RUSC1: variants seen among roughly 807,000 people sequenced by gnomAD.
The protein encoded by RUSC1 is AP-4 complex accessory subunit RUSC1.
Under a neutral mutation model 72.1 loss-of-function variants are expected in RUSC1, and 40 were observed. The observed-to-expected ratio is 0.55, with a 90% confidence interval of 0.43 to 0.72. The LOEUF (loss-of-function observed/expected upper bound fraction) is 0.72, where lower values mean the gene tolerates loss of function less well. RUSC1 is among the 30% of genes least tolerant of loss of function. The pLI is 0.00. For synonymous variants in RUSC1, 512 were observed against 494.2 expected (o/e 1.04, Z -0.48); for missense variants, 1,092 against 1,172.3 (o/e 0.93, Z 1.00).
At chr1:155,324,759 C>A (rs1167824489) in intron 2 of RUSC1, 86 bp from the exon 3 acceptor site, 5 of 1,605,950 alleles carry the variant, frequency 3.1e-6, no homozygotes, top group Non-Finnish European at 4.3e-6. Context: ...GCACTGCAGA[C>A]CCGCCGGAGA....
At position 155,321,929 on chromosome 1, in the gene RUSC1, G is replaced by A. The variant is rs1294409654; in HGVS notation, c.156G>A (p.Arg52=). The part of the protein sequence containing the change: ...PPGDTGGKES[R]GPCSGTLVDA... ...GAGACACTGGGGGCAAGGAGAGCAG[G>A]GGCCCCTGCAGTGGCACCCTGGTGG... The change falls in exon 2 of 10, where the codon AGG becomes AGA. Residue 52 remains arginine, a synonymous_variant. Coordinates refer to ENST00000368352, the MANE Select transcript of RUSC1 (RefSeq NM_001105203.2). The A allele has an allele frequency of 6.2e-7, 1 of 1,606,450 alleles. No homozygotes were observed. Among genetic ancestry groups the A allele is most frequent in the South Asian group, 1.1e-5 (1 of 90,240 alleles).
rs141901089 is a variant in RUSC1, at chr1:155,325,932, G to T, written c.1861+22G>T. ...GCAGGTCAGAGGTTCAGATGGTAGA[G>T]GATGGGGCTGATGGGCTGGGAGGAT... On this transcript the variant is annotated intron_variant, in intron 7 of 9. Coordinates refer to ENST00000368352, the MANE Select transcript of RUSC1 (RefSeq NM_001105203.2). The surrounding 1 kb of genome is among the most constrained non-coding windows in gnomAD (Gnocchi z 6.5). The T allele has an allele frequency of 1.5e-4, 234 of 1,613,240 alleles. 1 individual carries two copies. In the Middle Eastern group the frequency reaches 3.0e-3, roughly 21 times the overall value.
Position 155,325,926 on chromosome 1 carries a change from G to A in RUSC1, c.1861+16G>A, listed in dbSNP as rs370925754. 6.2e-7 allele frequency: 1 copy of A among 1,613,776 alleles called. No homozygotes were observed. Among genetic ancestry groups the A allele is most frequent in the South Asian group, 1.1e-5 (1 of 91,072 alleles). On this transcript the variant is annotated intron_variant, in intron 7 of 9. Transcript: ENST00000368352. The surrounding 1 kb of genome is among the most constrained non-coding windows in gnomAD (Gnocchi z 6.5). ...GAAGATGCAGGTCAGAGGTTCAGAT[G>A]GTAGAGGATGGGGCTGATGGGCTGG...
At position 155,326,361 on chromosome 1, in the gene RUSC1, G is replaced by T; in HGVS notation, c.1862-219G>T. 1 of 590,408 alleles carries T rather than the reference G, an allele frequency of 1.7e-6. No individual in the cohort carries two copies. Among genetic ancestry groups the T allele is most frequent in the East Asian group, 2.8e-5 (1 of 35,778 alleles). 36.6% of individuals were successfully genotyped at this position (590,408 alleles called of 1,614,324 possible). ...CCTCTGTAGCCTTTGCACTGTCTCT[G>T]TTACTTGTCACCACTTGCTGTGTGT... On this transcript the variant is annotated intron_variant, in intron 7 of 9. Coordinates refer to ENST00000368352, the MANE Select transcript of RUSC1 (RefSeq NM_001105203.2). The surrounding 1 kb of genome is among the most constrained non-coding windows in gnomAD (Gnocchi z 4.7).
At chr1:155,330,092 T>TTTA (rs1457276674) in intron 9 of RUSC1, among the ~76,000 whole-genome samples, 5 of 151,870 alleles carry the variant, frequency 3.3e-5, no homozygotes, top group African/African-American at 1.2e-4. Flanking sequence ...AGTGGTGCTG[T>TTTA]TTACCACTAT....
At chr1:155,324,172 G>A (rs74118446) in intron 2 of RUSC1, 20 of 1,375,662 alleles carry the variant, frequency 1.5e-5, no homozygotes, top group Non-Finnish European at 1.9e-5. Flanking sequence ...TGTGCAGCTC[G>A]GGCCTGCCCC....
In RUSC1 at chr1:155,325,929, A is replaced by G. The variant is rs374050909; in HGVS notation, c.1861+19A>G. The G allele has an allele frequency of 6.2e-6, 10 of 1,613,486 alleles. 1 individual carries two copies. In the South Asian group the frequency reaches 7.7e-5, roughly 12 times the overall value. ...GATGCAGGTCAGAGGTTCAGATGGTAGAGGATGGGGCTGATGGGCTGGGAG... is the reference window on the plus strand; with the variant it reads ...GATGCAGGTCAGAGGTTCAGATGGTGGAGGATGGGGCTGATGGGCTGGGAG... On this transcript the variant is annotated intron_variant, in intron 7 of 9. Coordinates refer to ENST00000368352, the MANE Select transcript of RUSC1 (RefSeq NM_001105203.2). This position sits in a 1 kb window ranked among gnomAD's most constrained non-coding sequence, Gnocchi z 6.5.
intron 2 of RUSC1, 133 bp from the exon 3 acceptor site, chr1:155,324,712 C>A (rs1651090043): frequency 2.6e-6 from 4 of 1,564,232 alleles, no homozygotes; most frequent in Non-Finnish European, 3.5e-6. Context: ...TTCAGGCGGT[C>A]CTGCGCCTCC....
Position 155,326,111 on chromosome 1 carries a change from C to A in RUSC1, c.1861+201C>A. Reference sequence around the variant, plus strand: ...CAAAGCCTTGGCTGTCTGGCCTCTGCCCTCTTCCCCTGCCTTGGAGGGTCT... The same window carrying A: ...CAAAGCCTTGGCTGTCTGGCCTCTGACCTCTTCCCCTGCCTTGGAGGGTCT... On this transcript the variant is annotated intron_variant, in intron 7 of 9. Coordinates refer to ENST00000368352, the MANE Select transcript of RUSC1 (RefSeq NM_001105203.2). The surrounding 1 kb of genome is among the most constrained non-coding windows in gnomAD (Gnocchi z 4.7). The A allele has an allele frequency of 1.6e-6, 1 of 629,702 alleles. No homozygotes were observed. Among genetic ancestry groups the A allele is most frequent in the Non-Finnish European group, 2.8e-6 (1 of 360,766 alleles). 39.0% of individuals were successfully genotyped at this position (629,702 alleles called of 1,614,324 possible). A position where few individuals can be genotyped will look rare whatever the true frequency, so the allele number is the denominator to read the frequency against.
chr1:155,328,958 C>T (rs1297990326), intron 9 of RUSC1, among the ~76,000 whole-genome samples: 4 of 152,114 alleles, frequency 2.6e-5, no homozygotes, highest in African/African-American at 9.7e-5. Context: ...GTCTAGAACT[C>T]CTGACCTCAG....
chr1:155,328,777 T>G (rs980338904), intron 9 of RUSC1, among the ~76,000 whole-genome samples: 1 of 152,142 alleles, frequency 6.6e-6, no homozygotes, highest in African/African-American at 2.4e-5. Flanking sequence ...TTTTGTATTT[T>G]TAGTAGAGAC....
In RUSC1 at chr1:155,324,888, G is replaced by C; in HGVS notation, c.1401G>C (p.Arg467=). ...WSFAGVPGAQ[R]LWMAEAQSGT... is the part of the protein sequence containing the mutation. ...TCGCCGGTGTCCCCGGAGCCCAGCG[G>C]CTGTGGATGGCAGAAGCCCAGAGTG... Residue 467 remains arginine (R), a synonymous_variant, in exon 3 of 10, where the codon CGG becomes CGC. Transcript: ENST00000368352. The C allele has an allele frequency of 6.2e-7, 1 of 1,614,238 alleles. No individual in the cohort carries two copies. The highest frequency in any genetic ancestry group is 1.3e-5 in the African/African-American group (1 of 75,062).
chr1:155,321,410 G>A (rs566571696), intron 1 of RUSC1: 1 of 1,396,450 alleles, frequency 7.2e-7, no homozygotes, highest in South Asian at 1.1e-5. Flanking sequence ...GTCCATTCTG[G>A]GCCCGGACCT....
Position 155,330,546 on chromosome 1 carries a change from T to A in RUSC1, c.2684T>A (p.Val895Glu). ...GRDGMEGLVPVGYTSLVL is the reference protein window; with the variant it reads ...GRDGMEGLVPEGYTSLVL The stretch of plus-strand genomic sequence containing the variant: ...GATGGCATGGAGGGTCTGGTGCCTG[T>A]GGGGTATACCTCCCTTGTTCTGTAG... Residue 895 changes from valine to glutamate, a missense_variant, in exon 10 of 10, where the codon GTG becomes GAG. Coordinates refer to ENST00000368352, the MANE Select transcript of RUSC1 (RefSeq NM_001105203.2). The A allele has an allele frequency of 6.2e-7, 1 of 1,610,410 alleles. No homozygotes were observed.
chr1:155,329,749 A>T (rs546094313), intron 9 of RUSC1, among the ~76,000 whole-genome samples: 56 of 150,416 alleles, frequency 3.7e-4, no homozygotes, highest in African/African-American at 1.3e-3. Flanking sequence ...GAAGTCAGGA[A>T]TTCAAGACCA....
Position 155,321,684 on chromosome 1 carries a change from C to A in RUSC1, c.-86-4C>A. 1 of 1,533,602 alleles carries A rather than the reference C, an allele frequency of 6.5e-7. No homozygotes were observed. Among genetic ancestry groups the A allele is most frequent in the Non-Finnish European group, 8.9e-7 (1 of 1,119,486 alleles). The allele number at this position is 1,533,602 out of a possible 1,614,324, so 95.0% of individuals were successfully genotyped here. ...GGCCGGGCTTCACCACCTCTGTCTT[C>A]TAGGTCTGCACCTGTGGTTGCCAGG... On this transcript the variant is annotated splice_region_variant and splice_polypyrimidine_tract_variant and intron_variant, in intron 1 of 9. Transcript: ENST00000368352.
intron 2 of RUSC1, chr1:155,323,805 C>T: frequency 1.8e-6 from 1 of 565,534 alleles, no homozygotes; most frequent in Non-Finnish European, 2.2e-6. Context: ...CGCCTCCGCC[C>T]AGGCTACGTA....
At chr1:155,324,270 G>T in intron 2 of RUSC1, 1 of 1,519,040 alleles carries the variant, frequency 6.6e-7, no homozygotes, top group Non-Finnish European at 8.8e-7. Context: ...CGCGAGTCCA[G>T]TCCCACGCGG....
At position 155,320,957 on chromosome 1, in the gene RUSC1, A is replaced by T; in HGVS notation, c.-121A>T. On this transcript the variant is annotated 5_prime_UTR_variant, in exon 1 of 10. Coordinates refer to ENST00000368352, the MANE Select transcript of RUSC1 (RefSeq NM_001105203.2). The stretch of plus-strand genomic sequence containing the variant: ...GGCGGGGACCGTGGGAGCCGCGGAC[A>T]AGCCCAAGGCCGGAGCGGTTCCAGG... 1 of 1,551,492 alleles carries T rather than the reference A, an allele frequency of 6.4e-7. No individual in the cohort carries two copies. Among genetic ancestry groups the T allele is most frequent in the Non-Finnish European group, 8.7e-7 (1 of 1,144,152 alleles).
Sources: allele counts gnomAD v4.1 joint callset (sites outside exome capture counted in the v4.1 genomes callset), GRCh38; gene constraint gnomAD v4.1.1; non-coding constraint Gnocchi (gnomAD v3.1); transcripts MANE v1.5; gene names NCBI Gene and HGNC (gene_info 2026-07-23, HGNC 2026-07-21).